Variants in FBXO22 observed in about 807,000 individuals in gnomAD.
The protein encoded by FBXO22 is F-box protein 22, also known as F-box only protein 22.
FBXO22 carries 13 observed loss-of-function variants against 37.2 expected under a neutral mutation model. That is an observed-to-expected ratio of 0.35 (90% CI 0.23 to 0.56). FBXO22 has a LOEUF of 0.56. FBXO22 is among the 20% of genes least tolerant of loss of function. The pLI, the probability that FBXO22 is intolerant of heterozygous loss-of-function variation, is 0.87. For missense variants in FBXO22, 446 were observed against 509.9 expected (o/e 0.87, Z 1.21); for synonymous variants, 189 against 189.1 (o/e 1.00, Z 0.00).
chr15:75,923,105 C>G (rs1029470985), intron 5 of FBXO22, among the ~76,000 whole-genome samples: 1 of 152,126 alleles, frequency 6.6e-6, no homozygotes, highest in Non-Finnish European at 1.5e-5. Context: ...CCTCTGTCCA[C>G]CTGAGCATCC....
At chr15:75,930,509 A>G in intron 6 of FBXO22, 2 of 987,028 alleles carry the variant, frequency 2.0e-6, no homozygotes, top group South Asian at 4.7e-5. Context: ...TGGTCACAAA[A>G]CTTTTTTCCA....
chr15:75,908,277 G>GTT (rs1416474003), intron 2 of FBXO22, among the ~76,000 whole-genome samples: 27 of 141,810 alleles, frequency 1.9e-4, no homozygotes, highest in Admixed American at 9.9e-4. Context: ...GTTTTGTTTG[G>GTT]TTTTTTTTTT....
intron 4 of FBXO22, among the ~76,000 whole-genome samples, chr15:75,916,937 T>C (rs553522159): frequency 6.6e-6 from 1 of 152,324 alleles, no homozygotes; most frequent in South Asian, 2.1e-4. Flanking sequence ...TATGGAGAAG[T>C]TGAAAGAATA....
chr15:75,907,234 C>G (rs1899949243), intron 2 of FBXO22, among the ~76,000 whole-genome samples: 1 of 152,172 alleles, frequency 6.6e-6, no homozygotes, highest in African/African-American at 2.4e-5. Context: ...CTCAACCTCT[C>G]TGAGCCTCAG....
chr15:75,916,508 T>G (rs1298263952), intron 4 of FBXO22, among the ~76,000 whole-genome samples: 1 of 152,232 alleles, frequency 6.6e-6, no homozygotes, highest in Non-Finnish European at 1.5e-5. Context: ...CCTACCCTTG[T>G]GACCTCATTT....
At chr15:75,925,182 G>A (rs1017854811) in intron 5 of FBXO22, among the ~76,000 whole-genome samples, 1 of 152,132 alleles carries the variant, frequency 6.6e-6, no homozygotes, top group Admixed American at 6.5e-5. Flanking sequence ...GTCTGATCTA[G>A]CTTCTGTAAT....
chr15:75,930,891 G>A (rs536854870), intron 6 of FBXO22: 1 of 966,100 alleles, frequency 1.0e-6, no homozygotes, highest in South Asian at 4.8e-5. Flanking sequence ...AATAATGTAA[G>A]TCATCCTAGT....
At chr15:75,912,925 C>T (rs1426018825) in intron 2 of FBXO22, among the ~76,000 whole-genome samples, 1 of 152,208 alleles carries the variant, frequency 6.6e-6, no homozygotes, top group East Asian at 1.9e-4. Context: ...TCCCTGTAAA[C>T]ACTGCTTTAG....
At chr15:75,932,163 A>T (rs919870763) in intron 6 of FBXO22, among the ~76,000 whole-genome samples, 3 of 152,230 alleles carry the variant, frequency 2.0e-5, no homozygotes, top group Non-Finnish European at 2.9e-5. Flanking sequence ...GCAGTGAGCT[A>T]TGATTGTGCC....
chr15:75,940,581 T>C lies in FBXO22; in HGVS notation c.*7479T>C, dbSNP rs1228456745. 1 of 151,416 alleles carries C rather than the reference T, an allele frequency of 6.6e-6. No individual in the cohort carries two copies. The highest frequency in any genetic ancestry group is 1.5e-5 in the Non-Finnish European group (1 of 67,838). The allele number at this position is 151,416 out of a possible 1,614,324, so 9.4% of individuals were successfully genotyped here. On this transcript the variant is annotated 3_prime_UTR_variant, in exon 7 of 7. Transcript: ENST00000308275. ...AATTGGAGGACTTAAACCTGCAGAG[T>C]TTAAAACTTACTATAATGCTACAGT...
intron 1 of FBXO22, 23 bp from the exon 2 acceptor site, chr15:75,904,467 TC>T: frequency 6.2e-7 from 1 of 1,613,170 alleles, no homozygotes; most frequent in Non-Finnish European, 8.5e-7. Flanking sequence ...CCGTTCGCAA[TC>T]CTTTGTGCGT....
Position 75,940,107 on chromosome 15 carries a change from C to A in FBXO22, c.*7005C>A, listed in dbSNP as rs1156961554. ...GATCTTTAGACAACCCGAAAGATTC[C>A]ACACCAAAAAAAAAAAATAACTGTT... On this transcript the variant is annotated 3_prime_UTR_variant, in exon 7 of 7. Coordinates refer to ENST00000308275, the MANE Select transcript of FBXO22 (RefSeq NM_147188.3). 2 of 124,118 alleles carry A rather than the reference C, an allele frequency of 1.6e-5. No homozygotes were observed. The allele number at this position is 124,118 out of a possible 1,614,324, so 7.7% of individuals were successfully genotyped here.
chr15:75,906,736 C>T (rs960551961), intron 2 of FBXO22, among the ~76,000 whole-genome samples: 7 of 152,258 alleles, frequency 4.6e-5, no homozygotes, highest in Admixed American at 2.0e-4. Flanking sequence ...CTTTTCTTCT[C>T]TGGCACTTTG....
Position 75,925,423 on chromosome 15 carries a change from T to G in FBXO22, c.629-4461T>G, listed in dbSNP as rs77140102. Among the ~76,000 whole-genome samples, 35 of 149,502 alleles carry G rather than the reference T, an allele frequency of 2.3e-4. No homozygotes were observed. The East Asian group carries it at 6.7e-3, about 29-fold the overall frequency. Reference sequence around the variant, plus strand: ...GCTCCCTGCTTTTTGAACCTTTAACTACTTGTCTTGAATTCTGCCAGCCAC... The same window carrying G: ...GCTCCCTGCTTTTTGAACCTTTAACGACTTGTCTTGAATTCTGCCAGCCAC... On this transcript the variant is annotated intron_variant, in intron 5 of 6. Transcript: ENST00000308275.
intron 5 of FBXO22, among the ~76,000 whole-genome samples, chr15:75,923,311 A>G (rs1900368942): frequency 6.6e-6 from 1 of 152,196 alleles, no homozygotes; most frequent in African/African-American, 2.4e-5. Context: ...CCCCAGAATT[A>G]TTGTGCTCTG....
chr15:75,929,732 G>C (rs1035121666), intron 5 of FBXO22, 152 bp from the exon 6 acceptor site: 2 of 707,102 alleles, frequency 2.8e-6, no homozygotes, highest in Non-Finnish European at 4.5e-6. Flanking sequence ...TATAAAATAA[G>C]ATAAAAAATA....
intron 4 of FBXO22, 149 bp from the exon 5 acceptor site, chr15:75,917,081 A>G: frequency 3.4e-6 from 2 of 580,030 alleles, no homozygotes; most frequent in Non-Finnish European, 3.0e-6. Context: ...AATGGCAAAC[A>G]TCATGACACT....
At chr15:75,919,711 C>T (rs1299084245) in intron 5 of FBXO22, among the ~76,000 whole-genome samples, 1 of 152,204 alleles carries the variant, frequency 6.6e-6, no homozygotes, top group Non-Finnish European at 1.5e-5. Context: ...CTGTGTGTCA[C>T]ATGGGCCCTT....
rs1400653285 is a variant in FBXO22, at chr15:75,938,574, T to C, written c.*5472T>C. 6.6e-6 allele frequency: 1 copy of C among 151,984 alleles called. No homozygotes were observed. Among genetic ancestry groups the C allele is most frequent in the African/African-American group, 2.4e-5 (1 of 41,372 alleles). The allele number at this position is 151,984 out of a possible 1,614,324, so 9.4% of individuals were successfully genotyped here. A position where few individuals can be genotyped will look rare whatever the true frequency, so the allele number is the denominator to read the frequency against. On this transcript the variant is annotated 3_prime_UTR_variant, in exon 7 of 7. Transcript: ENST00000308275. ...ATGATAAATGAACAAAATCAGAATA[T>C]CAACAGATAGGCATTATAAAAAAAT...
Sources: gnomAD v4.1 joint callset for allele counts (sites outside exome capture counted in the v4.1 genomes callset) on GRCh38, gnomAD v4.1.1 for gene constraint, MANE v1.5 for transcripts, NCBI Gene and HGNC (gene_info 2026-07-23, HGNC 2026-07-21) for gene names.